The following TSHR variants were observed in gnomAD, a reference collection of about 807,000 sequenced individuals.
The protein encoded by TSHR is thyroid stimulating hormone receptor, also known as thyrotropin receptor.
TSHR carries 51 observed loss-of-function variants against 64.1 expected under a neutral mutation model. The observed-to-expected ratio is 0.80, with a 90% CI of 0.64 to 1.01. The LOEUF (loss-of-function observed/expected upper bound fraction) is 1.01, where lower values mean the gene tolerates loss of function less well. TSHR is among the 50% of genes least tolerant of loss of function. The probability of loss-of-function intolerance (pLI) is 0.00; values close to 1 mark genes in which losing one functional copy is unlikely to be tolerated. For synonymous variants in TSHR, 361 were observed against 361.9 expected (o/e 1.00, Z 0.03); for missense variants, 877 against 942.8 (o/e 0.93, Z 0.91).
At chr14:81,075,638 C>T (rs1183196708) in intron 3 of TSHR, among the ~76,000 whole-genome samples, 1 of 122,228 alleles carries the variant, frequency 8.2e-6, no homozygotes, top group South Asian at 3.3e-4. Context: ...AATGCTATCC[C>T]TCCCCCCTCC....
chr14:81,063,525 C>T (rs1886388007), intron 2 of TSHR, among the ~76,000 whole-genome samples: 1 of 152,158 alleles, frequency 6.6e-6, no homozygotes, highest in Non-Finnish European at 1.5e-5. Context: ...ACCACTGTAG[C>T]ATCCTATAAG....
chr14:81,049,665 T>C (rs920541808), intron 1 of TSHR: 2 of 152,224 alleles, frequency 1.3e-5, no homozygotes, highest in African/African-American at 4.8e-5. Flanking sequence ...TTTGGTTCTG[T>C]GTCCCTACCC....
At chr14:80,978,557 C>T (rs1285105116) in intron 1 of TSHR, among the ~76,000 whole-genome samples, 3 of 152,352 alleles carry the variant, frequency 2.0e-5, no homozygotes, top group East Asian at 3.9e-4. Context: ...GAGGGACCCA[C>T]ATTAGGCATA....
chr14:81,144,368 A>T lies in TSHR; in HGVS notation c.*15A>T. Reference sequence around the variant, plus strand: ...CGGTTTTGTAAGTTAACACTACACTACTCACAATGGTAGGGGAACTTACAA... The same window carrying T: ...CGGTTTTGTAAGTTAACACTACACTTCTCACAATGGTAGGGGAACTTACAA... On this transcript the variant is annotated 3_prime_UTR_variant, in exon 10 of 10. Transcript: ENST00000298171. The T allele has an allele frequency of 1.2e-6, 2 of 1,612,464 alleles. No homozygotes were observed. The highest frequency in any genetic ancestry group is 2.2e-5 in the South Asian group (2 of 91,048).
At chr14:81,096,822 A>G in intron 7 of TSHR, 115 bp downstream of exon 7, 1 of 1,168,914 alleles carries the variant, frequency 8.6e-7, no homozygotes, top group Non-Finnish European at 1.2e-6. Context: ...CGCCAGAGTT[A>G]GTGTGACCAA....
chr14:81,104,569 C>T, intron 7 of TSHR: 11 of 985,398 alleles, frequency 1.1e-5, no homozygotes, highest in Non-Finnish European at 1.3e-5. Flanking sequence ...ATCAGGCTTT[C>T]ATTCCTTCCT....
At chr14:81,133,065 C>CT (rs994038337) in intron 8 of TSHR, among the ~76,000 whole-genome samples, 2 of 152,166 alleles carry the variant, frequency 1.3e-5, no homozygotes, top group African/African-American at 4.8e-5. Flanking sequence ...AATTGGGAGA[C>CT]TATCAAATGT....
intron 8 of TSHR, among the ~76,000 whole-genome samples, chr14:81,116,954 G>A (rs1218187299): frequency 1.5e-5 from 2 of 137,552 alleles, no homozygotes; most frequent in Non-Finnish European, 3.0e-5. Context: ...ACGAAATGAA[G>A]GCAGAAATAA....
At chr14:81,112,623 A>G (rs890552043) in intron 8 of TSHR, among the ~76,000 whole-genome samples, 1 of 152,196 alleles carries the variant, frequency 6.6e-6, no homozygotes, top group African/African-American at 2.4e-5. Context: ...TTGAAAATGT[A>G]CAATAAGCAT....
chr14:81,008,944 GAC>G (rs1433806048), intron 1 of TSHR, among the ~76,000 whole-genome samples: 2 of 152,046 alleles, frequency 1.3e-5, no homozygotes, highest in African/African-American at 4.8e-5. Context: ...CTTCAAACAA[GAC>G]ACACAATTTT....
At chr14:81,026,961 G>A (rs1002834685) in intron 1 of TSHR, among the ~76,000 whole-genome samples, 6 of 151,604 alleles carry the variant, frequency 4.0e-5, no homozygotes, top group Non-Finnish European at 7.4e-5. Context: ...ACTTGAACCT[G>A]GGAGGCGGAG....
At chr14:80,971,258 G>A (rs179255) in intron 1 of TSHR, among the ~76,000 whole-genome samples, 65,344 of 151,932 alleles carry the variant, frequency 0.43, 15,172 homozygotes, top group South Asian at 0.59. Flanking sequence ...TCTACTTTTT[G>A]CCCACCAACT....
intron 8 of TSHR, among the ~76,000 whole-genome samples, chr14:81,114,131 G>GAAAAA (rs11454893): frequency 7.0e-6 from 1 of 142,658 alleles, no homozygotes; most frequent in African/African-American, 2.6e-5. Flanking sequence ...CCAAGGAAAA[G>GAAAAA]AAAAAAAAAA....
Position 80,983,180 on chromosome 14 carries a change from T to A in TSHR, c.170+27330T>A, listed in dbSNP as rs1397764600. 4 of 1,103,298 alleles carry A rather than the reference T, an allele frequency of 3.6e-6. No homozygotes were observed. The African/African-American group carries it at 4.7e-5, about 13-fold the overall frequency. The allele number at this position is 1,103,298 out of a possible 1,614,324, so 68.3% of individuals were successfully genotyped here. A position where few individuals can be genotyped will look rare whatever the true frequency, so the allele number is the denominator to read the frequency against. On this transcript the variant is annotated intron_variant, in intron 1 of 9. Coordinates refer to ENST00000298171, the MANE Select transcript of TSHR (RefSeq NM_000369.5). ...TTACTCTGAATCCTCCTTCTGGGGATGAAAGACAATGCAAAATTGAATTAC... is the reference window on the plus strand; with the variant it reads ...TTACTCTGAATCCTCCTTCTGGGGAAGAAAGACAATGCAAAATTGAATTAC...
At chr14:80,985,572 T>C (rs1027762588) in intron 1 of TSHR, among the ~76,000 whole-genome samples, 9 of 152,218 alleles carry the variant, frequency 5.9e-5, no homozygotes, top group African/African-American at 2.2e-4. Context: ...CCAGGACGTT[T>C]AGGTTATGGC....
chr14:81,132,156 T>C (rs560749092), intron 8 of TSHR, among the ~76,000 whole-genome samples: 14 of 152,342 alleles, frequency 9.2e-5, no homozygotes, highest in African/African-American at 3.4e-4. Flanking sequence ...TGCTCTTAGA[T>C]GCATTTCATT....
intron 1 of TSHR, among the ~76,000 whole-genome samples, chr14:80,959,243 G>A (rs1450143455): frequency 6.6e-6 from 1 of 151,944 alleles, no homozygotes; most frequent in Non-Finnish European, 1.5e-5. Flanking sequence ...CACTGCCAGT[G>A]GAACATTCTA....
At chr14:81,030,301 G>C (rs1481891291) in intron 1 of TSHR, among the ~76,000 whole-genome samples, 1 of 151,960 alleles carries the variant, frequency 6.6e-6, no homozygotes, top group Non-Finnish European at 1.5e-5. Flanking sequence ...TTGGCGAAAA[G>C]ACCACAGAAA....
At chr14:81,004,824 A>G (rs1461048519) in intron 1 of TSHR, among the ~76,000 whole-genome samples, 1 of 152,198 alleles carries the variant, frequency 6.6e-6, no homozygotes, top group African/African-American at 2.4e-5. Flanking sequence ...ACAAGGAAAA[A>G]CATATGTATG....
Sources: gnomAD v4.1 joint callset for allele counts (sites outside exome capture counted in the v4.1 genomes callset) on GRCh38, gnomAD v4.1.1 for gene constraint, MANE v1.5 for transcripts, NCBI Gene and HGNC (gene_info 2026-07-23, HGNC 2026-07-21) for gene names.